The following RAF1 variants were observed in gnomAD, a reference collection of about 807,000 sequenced individuals.
RAF1 encodes Raf-1 proto-oncogene, serine/threonine kinase, also known as RAF proto-oncogene serine/threonine-protein kinase.
RAF1 carries 27 observed loss-of-function variants against 81.1 expected under a neutral mutation model. That is an observed-to-expected ratio of 0.33 (90% CI 0.25 to 0.46). The LOEUF (loss-of-function observed/expected upper bound fraction) is 0.46. Among genes scored for constraint, RAF1 ranks in the 20% least tolerant of loss-of-function variants. The pLI is 1.00. For synonymous variants in RAF1, 298 were observed against 294.0 expected, an observed-to-expected ratio of 1.01 and a Z score of -0.14; for missense variants, 598 against 826.0, an observed-to-expected ratio of 0.72 and a Z score of 3.38.
At chr3:12,586,509 C>T (rs1325682294) in intron 14 of RAF1, among the ~76,000 whole-genome samples, 1 of 152,158 alleles carries the variant, frequency 6.6e-6, no homozygotes, top group African/African-American at 2.4e-5. Flanking sequence ...GTGGTGTCTG[C>T]TTTCATGGTA....
chr3:12,630,170 C>T (rs752191301), intron 1 of RAF1, among the ~76,000 whole-genome samples: 10 of 152,206 alleles, frequency 6.6e-5, no homozygotes, highest in Non-Finnish European at 8.8e-5. Context: ...CTAATCCTAA[C>T]ACATTTTTTT....
At chr3:12,656,818 G>A (rs906700066) in intron 1 of RAF1, among the ~76,000 whole-genome samples, 1 of 152,044 alleles carries the variant, frequency 6.6e-6, no homozygotes, top group Non-Finnish European at 1.5e-5. Context: ...CCAACATCAT[G>A]AAACCCCATC....
intron 1 of RAF1, among the ~76,000 whole-genome samples, chr3:12,647,443 A>G (rs1368324382): frequency 1.3e-5 from 2 of 150,632 alleles, no homozygotes; most frequent in African/African-American, 2.5e-5. Context: ...TCTACAAAAA[A>G]TCAGCCATGC....
intron 2 of RAF1, among the ~76,000 whole-genome samples, chr3:12,614,897 C>G (rs181733843): frequency 6.6e-6 from 1 of 152,298 alleles, no homozygotes; most frequent in South Asian, 2.1e-4. Context: ...CTAACGGAAT[C>G]ATGACCTGCA....
intron 1 of RAF1, among the ~76,000 whole-genome samples, chr3:12,647,293 C>T (rs1207481863): frequency 1.9e-5 from 1 of 52,248 alleles, no homozygotes; most frequent in Non-Finnish European, 3.3e-5. Context: ...GAGACTCCAT[C>T]TCAAAAAAAA....
rs1298290782 is a variant in RAF1 at position 12,661,665 on chromosome 3, T to C, written c.-27+2148A>G. ...TTGCAGTGAGCCGAGATCGCATCAT[T>C]GCACGCCAGCCTGGGCAACAGAGTG... On this transcript the variant is annotated intron_variant, in intron 1 of 17. Coordinates refer to ENST00000442415, the MANE Select transcript of RAF1 (RefSeq NM_001354689.3). Among the ~76,000 whole-genome samples the C allele has an allele frequency of 3.3e-5, 5 of 152,058 alleles. No homozygotes were observed. The East Asian group carries it at 9.6e-4, about 29-fold the overall frequency.
intron 11 of RAF1, chr3:12,592,018 T>C: frequency 1.8e-6 from 1 of 570,802 alleles, no homozygotes. Flanking sequence ...GCTTAAGCAA[T>C]CCTCCCACCT....
At chr3:12,651,558 C>T (rs1468333721) in intron 1 of RAF1, among the ~76,000 whole-genome samples, 1 of 151,354 alleles carries the variant, frequency 6.6e-6, no homozygotes. Context: ...CGCTGGAACC[C>T]GGGAGGCGGG....
At chr3:12,607,404 T>C (rs1344374836) in intron 5 of RAF1, among the ~76,000 whole-genome samples, 4 of 152,048 alleles carry the variant, frequency 2.6e-5, no homozygotes, top group Middle Eastern at 3.2e-3. Flanking sequence ...CCACAACACT[T>C]TGGAAGGCCA....
At chr3:12,634,299 ACCAC>A (rs2059953843) in intron 1 of RAF1, among the ~76,000 whole-genome samples, 1 of 149,324 alleles carries the variant, frequency 6.7e-6, no homozygotes, top group Non-Finnish European at 1.5e-5. Flanking sequence ...AGCACACACT[ACCAC>A]GCCTGGCTAA....
chr3:12,645,084 C>T (rs5746172), intron 1 of RAF1, among the ~76,000 whole-genome samples: 3 of 119,526 alleles, frequency 2.5e-5, no homozygotes, highest in East Asian at 2.3e-4. Flanking sequence ...GGTGACAGAG[C>T]GAGACTCAGT....
intron 1 of RAF1, among the ~76,000 whole-genome samples, chr3:12,628,458 T>A (rs542208961): frequency 6.6e-6 from 1 of 152,052 alleles, no homozygotes; most frequent in Non-Finnish European, 1.5e-5. Context: ...TCCCAGGAAT[T>A]CAATACCAGC....
intron 4 of RAF1, 78 bp downstream of exon 4, chr3:12,609,155 C>G (rs550515708): frequency 1.8e-6 from 2 of 1,117,738 alleles, no homozygotes; most frequent in Non-Finnish European, 2.7e-6. Flanking sequence ...TATATACATA[C>G]GCATATTACC....
intron 1 of RAF1, among the ~76,000 whole-genome samples, chr3:12,624,885 C>CAAAAAAAAAAAA (rs11298876): frequency 5.4e-5 from 6 of 111,710 alleles, no homozygotes; most frequent in Non-Finnish European, 9.0e-5. Context: ...GACTCCAACT[C>CAAAAAAAAAAAA]AAAAAAAAAA....
At chr3:12,662,026 TA>T (rs879523841) in intron 1 of RAF1, among the ~76,000 whole-genome samples, 188 of 143,440 alleles carry the variant, frequency 1.3e-3, no homozygotes, top group Non-Finnish European at 1.6e-3. Context: ...CTCTATTATT[TA>T]AAAAAAAAAA....
chr3:12,618,861 CT>C, intron 1 of RAF1, 114 bp from the exon 2 acceptor site: 1 of 788,844 alleles, frequency 1.3e-6, no homozygotes, highest in Middle Eastern at 2.4e-4. Flanking sequence ...ATGATACCTC[CT>C]GCATTCATCA....
rs754197477 is a variant in RAF1, at chr3:12,606,275, A to T, written c.606T>A (p.Gly202=). The T allele has an allele frequency of 1.2e-6, 2 of 1,612,404 alleles. No individual in the cohort carries two copies. Among genetic ancestry groups the T allele is most frequent in the South Asian group, 2.2e-5 (2 of 91,052 alleles). The change falls in exon 6 of 18, where the codon GGT becomes GGA. Residue 202 remains glycine (G), a synonymous_variant. Transcript: ENST00000442415. ...AAGGTAGTGCTGGGACTCCACTATC[A>T]CCAATAGTGGAATTTGGAAACAATC...
intron 1 of RAF1, among the ~76,000 whole-genome samples, chr3:12,638,120 A>G (rs922011222): frequency 6.6e-6 from 1 of 152,172 alleles, no homozygotes; most frequent in Non-Finnish European, 1.5e-5. Flanking sequence ...TTGCCTACTC[A>G]ATGATTATTG....
intron 11 of RAF1, among the ~76,000 whole-genome samples, chr3:12,598,258 G>T (rs1290995464): frequency 6.6e-6 from 1 of 151,962 alleles, no homozygotes; most frequent in Admixed American, 6.6e-5. Flanking sequence ...TGTTCTGCCT[G>T]CCTCAGCCTC....
Sources: allele counts gnomAD v4.1 joint callset (sites outside exome capture counted in the v4.1 genomes callset), GRCh38; gene constraint gnomAD v4.1.1; transcripts MANE v1.5; gene names NCBI Gene and HGNC (gene_info 2026-07-23, HGNC 2026-07-21).